GRAMD1B: variants seen among roughly 807,000 people sequenced by gnomAD.
GRAMD1B encodes the protein protein Aster-B.
GRAMD1B carries 37 observed loss-of-function variants against 99.7 expected under a neutral mutation model. That is an observed-to-expected ratio of 0.37 (90% confidence interval 0.29 to 0.49). The LOEUF is 0.49. Ranked by LOEUF, GRAMD1B falls within the 20% of genes least tolerant of loss-of-function variation. GRAMD1B has a pLI of 0.98. For synonymous variants in GRAMD1B, 427 were observed against 387.6 expected, an observed-to-expected ratio of 1.10 and a Z score of -1.19; for missense variants, 888 against 1,009.2, an observed-to-expected ratio of 0.88 and a Z score of 1.63.
chr11:123,392,006 A>G (rs1947299629), intron 1 of GRAMD1B, among the ~76,000 whole-genome samples: 1 of 152,184 alleles, frequency 6.6e-6, no homozygotes, highest in Non-Finnish European at 1.5e-5. Flanking sequence ...TGAACAGTGA[A>G]GTCCTCTCTG....
At position 123,605,454 on chromosome 11, in the gene GRAMD1B, A is replaced by G. The variant is rs1175833916; in HGVS notation, c.1299A>G (p.Thr433=). ...KSITNSTLTS[T]GSSEAPVSFD... is the part of the protein sequence containing the mutation. ...TCACCAACAGCACACTAACATCCACAGGGAGCAGTGAGGCCCCCGTCTCGG... is the reference window on the plus strand; with the variant it reads ...TCACCAACAGCACACTAACATCCACGGGGAGCAGTGAGGCCCCCGTCTCGG... The change falls in exon 10 of 20, where the codon ACA becomes ACG. Residue 433 remains threonine, a synonymous_variant. Transcript: ENST00000635736. The G allele has an allele frequency of 6.2e-7, 1 of 1,612,602 alleles. No individual in the cohort carries two copies. Among genetic ancestry groups the G allele is most frequent in the Non-Finnish European group, 8.5e-7 (1 of 1,179,098 alleles).
At position 123,606,605 on chromosome 11, in the gene GRAMD1B, C is replaced by G. The variant is rs769142319; in HGVS notation, c.1324-4C>G. 2 of 1,607,398 alleles carry G rather than the reference C, an allele frequency of 1.2e-6. No individual in the cohort carries two copies. Among genetic ancestry groups the G allele is most frequent in the Admixed American group, 1.7e-5 (1 of 59,064 alleles). ...GGTGGGTGACTCCTCTGTCTTGGCT[C>G]CAGTTTGATGGGCTGCCCCTGGAGG... is the stretch of plus-strand genomic sequence containing the variant. On this transcript the variant is annotated splice_polypyrimidine_tract_variant and splice_region_variant and intron_variant, in intron 10 of 19. Coordinates refer to ENST00000635736, the MANE Select transcript of GRAMD1B (RefSeq NM_001387025.1).
At chr11:123,595,169 C>T (rs1042753861) in intron 6 of GRAMD1B, among the ~76,000 whole-genome samples, 4 of 152,078 alleles carry the variant, frequency 2.6e-5, no homozygotes, top group Non-Finnish European at 4.4e-5. Context: ...TTTAAAGAAC[C>T]GGCTTGCACA....
intron 2 of GRAMD1B, among the ~76,000 whole-genome samples, chr11:123,498,201 C>T (rs555955401): frequency 6.6e-6 from 1 of 152,216 alleles, no homozygotes; most frequent in East Asian, 1.9e-4. Flanking sequence ...ACCTGGGGAC[C>T]CCAAGAGCCT....
chr11:123,591,303 A>G lies in GRAMD1B; in HGVS notation c.685-2779A>G. On this transcript the variant is annotated intron_variant, in intron 4 of 19. Transcript: ENST00000635736. The surrounding 1 kb of genome is among the most constrained non-coding windows in gnomAD (Gnocchi z 4.7). ...GAGGCCACCCATCCACAGTCAAGCCAGGGGAGACCAGTTGTTTTCATCGTG... is the reference window on the plus strand; with the variant it reads ...GAGGCCACCCATCCACAGTCAAGCCGGGGGAGACCAGTTGTTTTCATCGTG... 2.5e-6 allele frequency: 1 copy of G among 397,754 alleles called. No homozygotes were observed. The highest frequency in any genetic ancestry group is 4.4e-5 in the Admixed American group (1 of 22,718). 24.6% of individuals were successfully genotyped at this position (397,754 alleles called of 1,614,324 possible). A position where few individuals can be genotyped will look rare whatever the true frequency, so the allele number is the denominator to read the frequency against.
At chr11:123,564,901 C>T (rs1317828245) in intron 2 of GRAMD1B, among the ~76,000 whole-genome samples, 1 of 152,172 alleles carries the variant, frequency 6.6e-6, no homozygotes, top group Non-Finnish European at 1.5e-5. Context: ...GAGAGTTTAG[C>T]GCCTTTCTGC....
chr11:123,384,583 A>T (rs546520445), intron 1 of GRAMD1B, among the ~76,000 whole-genome samples: 1 of 152,256 alleles, frequency 6.6e-6, no homozygotes, highest in South Asian at 2.1e-4. Flanking sequence ...CATTCAGGAG[A>T]GCAGGGGTTT....
At chr11:123,463,958 A>T (rs1438973022) in intron 1 of GRAMD1B, among the ~76,000 whole-genome samples, 2 of 152,152 alleles carry the variant, frequency 1.3e-5, no homozygotes, top group African/African-American at 2.4e-5. Context: ...GTATTCTATG[A>T]CATTATAGGA....
At chr11:123,479,692 G>A (rs985239612) in intron 1 of GRAMD1B, among the ~76,000 whole-genome samples, 1 of 152,096 alleles carries the variant, frequency 6.6e-6, no homozygotes, top group Non-Finnish European at 1.5e-5. Context: ...GTGGGCCTAT[G>A]GTGCCCACAA....
rs115783759 is a variant in GRAMD1B at position 123,391,278 on chromosome 11, T to G, written c.-176+32479T>G. 5.7e-3 allele frequency among the ~76,000 whole-genome samples: 774 copies of G among 134,646 alleles called. 6 individuals carry two copies. The highest frequency in any genetic ancestry group is 0.024 in the African/African-American group (694 of 29,102). The allele number at this position is 134,646 out of a possible 152,430, so 88.3% of individuals were successfully genotyped here. On this transcript the variant is annotated intron_variant, in intron 1 of 20. Transcript: ENST00000638157. Reference sequence around the variant, plus strand: ...ACTTCTTTACCCCATACCCAGGAGCTTACCTGCAGCCTTACTCTTTCTCTC... The same window carrying G: ...ACTTCTTTACCCCATACCCAGGAGCGTACCTGCAGCCTTACTCTTTCTCTC...
Position 123,584,294 on chromosome 11 carries a change from T to C in GRAMD1B, c.664-18T>C. ...TTCCCTGACTAATTCTACCTTCTCT[T>C]TCATTTTCTCTTTTCAGAAAAGCCA... On this transcript the variant is annotated intron_variant, in intron 3 of 19. Transcript: ENST00000635736. The C allele has an allele frequency of 9.0e-7, 1 of 1,109,768 alleles. No individual in the cohort carries two copies. Among genetic ancestry groups the C allele is most frequent in the East Asian group, 4.5e-5 (1 of 22,168 alleles). The allele number at this position is 1,109,768 out of a possible 1,614,324, so 68.7% of individuals were successfully genotyped here. A position where few individuals can be genotyped will look rare whatever the true frequency, so the allele number is the denominator to read the frequency against.
At chr11:123,427,380 G>A (rs4936805), upstream of GRAMD1B, among the ~76,000 whole-genome samples, 62,394 of 152,082 alleles carry the variant, frequency 0.41, 15,253 homozygotes, top group East Asian at 0.79. Context: ...TTCATCAATT[G>A]TAAAGGCCGC....
chr11:123,543,037 A>G (rs1420885179), intron 2 of GRAMD1B, among the ~76,000 whole-genome samples: 2 of 151,464 alleles, frequency 1.3e-5, no homozygotes, highest in East Asian at 3.9e-4. Context: ...CCTCCTTTGC[A>G]CTTGATTTCA....
chr11:123,493,230 G>A (rs1938800660), intron 2 of GRAMD1B, among the ~76,000 whole-genome samples: 1 of 152,168 alleles, frequency 6.6e-6, no homozygotes, highest in African/African-American at 2.4e-5. Context: ...CTCTCTGAAT[G>A]TTTCCTTTCT....
At chr11:123,394,193 A>G (rs1230412824) in intron 1 of GRAMD1B, among the ~76,000 whole-genome samples, 1 of 152,208 alleles carries the variant, frequency 6.6e-6, no homozygotes, top group Non-Finnish European at 1.5e-5. Context: ...GAAATCCAGG[A>G]CATATGGTCA....
intron 2 of GRAMD1B, among the ~76,000 whole-genome samples, chr11:123,501,838 A>T (rs749341166): frequency 2.0e-5 from 3 of 152,196 alleles, no homozygotes; most frequent in Non-Finnish European, 4.4e-5. Context: ...TAAAATTTTA[A>T]TTGGCAAGTT....
intron 19 of GRAMD1B, chr11:123,619,599 G>A: frequency 3.8e-6 from 4 of 1,041,428 alleles, no homozygotes; most frequent in Non-Finnish European, 3.6e-6. Flanking sequence ...ATGTCTTTGA[G>A]TTTTTTCAAA....
intron 2 of GRAMD1B, among the ~76,000 whole-genome samples, chr11:123,518,123 G>A (rs781168384): frequency 6.6e-6 from 1 of 152,108 alleles, no homozygotes; most frequent in Non-Finnish European, 1.5e-5. Flanking sequence ...CTGGTTGTGG[G>A]GTTTCTCTGA....
intron 2 of GRAMD1B, among the ~76,000 whole-genome samples, chr11:123,495,693 GTCTTT>G (rs1939171203): frequency 1.1e-5 from 1 of 88,458 alleles, no homozygotes; most frequent in South Asian, 3.4e-4. Context: ...TTTTTTTTTT[GTCTTT>G]TCTTGTTTTT....
Sources: allele counts gnomAD v4.1 joint callset (sites outside exome capture counted in the v4.1 genomes callset), GRCh38; gene constraint gnomAD v4.1.1; non-coding constraint Gnocchi (gnomAD v3.1); transcripts MANE v1.5; gene names NCBI Gene and HGNC (gene_info 2026-07-23, HGNC 2026-07-21).